The following FNBP1 variants were observed in gnomAD, a reference collection of about 807,000 sequenced individuals.
The protein encoded by FNBP1 is formin-binding protein 1.
FNBP1 carries 26 observed loss-of-function variants against 90.6 expected under a neutral mutation model. That is an observed-to-expected ratio of 0.29 (90% CI 0.21 to 0.40). The LOEUF is 0.40. Ranked by LOEUF, FNBP1 falls within the 10% of genes least tolerant of loss-of-function variation. The pLI is 1.00. For missense variants in FNBP1, 635 were observed against 768.0 expected (o/e 0.83, Z 2.05); for synonymous variants, 260 against 265.2 (o/e 0.98, Z 0.19).
At position 129,900,049 on chromosome 9, in the gene FNBP1, G is replaced by C. The variant is rs775451050; in HGVS notation, c.1603C>G (p.Leu535Val). ...AACTCGTCGTCAAAATCCGTGGCCA[G>C]CACCTTCATCTCACTCTCCTGACTC... ...EQSQESEMKVLATDFDDEFDD... is the reference protein window; with the variant it reads ...EQSQESEMKVVATDFDDEFDD... Residue 535 changes from leucine (L) to valine (V), a missense_variant, in exon 15 of 17, where the codon CTG (leucine) becomes GTG (valine). Coordinates refer to ENST00000446176, the MANE Select transcript of FNBP1 (RefSeq NM_015033.3). This position sits in a 1 kb window ranked among gnomAD's most constrained non-coding sequence, Gnocchi z 4.1. The C allele has an allele frequency of 8.1e-6, 13 of 1,613,462 alleles. No individual in the cohort carries two copies. The South Asian group carries it at 1.2e-4, about 15-fold the overall frequency.
chr9:129,972,342 C>T (rs1185481549), intron 4 of FNBP1, among the ~76,000 whole-genome samples: 1 of 151,970 alleles, frequency 6.6e-6, no homozygotes. Context: ...CCATGTTGGC[C>T]AGGCTGGTTT....
chr9:129,909,140 C>T, intron 11 of FNBP1, 141 bp from the exon 12 acceptor site: 2 of 692,228 alleles, frequency 2.9e-6, no homozygotes, highest in Non-Finnish European at 5.2e-6. Context: ...TCCCACTACA[C>T]CCAGCCGAGA....
chr9:129,958,522 T>C lies in FNBP1; in HGVS notation c.377A>G (p.His126Arg). 1 of 1,599,248 alleles carries C rather than the reference T, an allele frequency of 6.3e-7. No homozygotes were observed. ...NFHDGRKAQQ[H>R]IETCWKQLES... ...AAGCTGCTTCCAGCAAGTCTCGATGTGCTGCTGTGCTTTACGGCCATCGTG... is the reference window on the plus strand; with the variant it reads ...AAGCTGCTTCCAGCAAGTCTCGATGCGCTGCTGTGCTTTACGGCCATCGTG... The change falls in exon 5 of 17, where the codon CAC (histidine) becomes CGC (arginine). Residue 126 changes from histidine (H) to arginine (R), a missense_variant. By Grantham distance (29) the His-to-Arg change is conservative (BLOSUM62 0). Transcript: ENST00000446176.
intron 1 of FNBP1, among the ~76,000 whole-genome samples, chr9:130,032,309 T>C (rs1589385337): frequency 6.6e-6 from 1 of 152,176 alleles, no homozygotes; most frequent in East Asian, 1.9e-4. Flanking sequence ...TAGCTGGGAC[T>C]ACAGGCATGC....
At chr9:129,908,852 C>A in intron 12 of FNBP1, 38 bp downstream of exon 12, 1 of 1,399,088 alleles carries the variant, frequency 7.1e-7, no homozygotes, top group Non-Finnish European at 1.0e-6. Flanking sequence ...CTGCGCCTGG[C>A]CTTGAATTTC....
intron 1 of FNBP1, among the ~76,000 whole-genome samples, chr9:129,996,205 G>T (rs548372091): frequency 6.6e-6 from 1 of 152,294 alleles, no homozygotes; most frequent in East Asian, 1.9e-4. Context: ...AAACACAGAA[G>T]GATTTAGAAC....
At chr9:130,020,513 T>C (rs542752633) in intron 1 of FNBP1, among the ~76,000 whole-genome samples, 2 of 152,266 alleles carry the variant, frequency 1.3e-5, no homozygotes, top group African/African-American at 4.8e-5. Flanking sequence ...CCCAGCTTAT[T>C]AGGCAATTTT....
At chr9:129,991,694 C>A (rs985647280) in intron 2 of FNBP1, among the ~76,000 whole-genome samples, 1 of 149,994 alleles carries the variant, frequency 6.7e-6, no homozygotes, top group East Asian at 2.0e-4. Flanking sequence ...GCGTCTCACT[C>A]TGTCGCCCAG....
At chr9:129,994,988 G>A (rs762109520) in intron 1 of FNBP1, 30 bp from the exon 2 acceptor site, 8 of 1,007,644 alleles carry the variant, frequency 7.9e-6, no homozygotes, top group African/African-American at 1.6e-5. Flanking sequence ...GAGAAGTTAT[G>A]GTCTTTCCCT....
chr9:129,941,522 G>A (rs771029054), intron 6 of FNBP1, among the ~76,000 whole-genome samples: 7 of 152,188 alleles, frequency 4.6e-5, no homozygotes, highest in Non-Finnish European at 1.0e-4. Flanking sequence ...ATGGAGTGCA[G>A]TGGTATGATC....
intron 6 of FNBP1, among the ~76,000 whole-genome samples, chr9:129,946,580 C>G (rs996250147): frequency 2.6e-5 from 4 of 152,170 alleles, no homozygotes; most frequent in Admixed American, 2.6e-4. Flanking sequence ...TGGTGGAAAA[C>G]ATCGGCTCAT....
intron 11 of FNBP1, among the ~76,000 whole-genome samples, chr9:129,913,979 C>T (rs1266146025): frequency 6.6e-6 from 1 of 151,818 alleles, no homozygotes; most frequent in African/African-American, 2.4e-5. Flanking sequence ...CCTCAGCCTC[C>T]AGTATAGCTG....
chr9:129,933,195 A>G (rs951324395), intron 6 of FNBP1, among the ~76,000 whole-genome samples: 2 of 152,208 alleles, frequency 1.3e-5, no homozygotes, highest in Non-Finnish European at 2.9e-5. Flanking sequence ...GAATGCCATC[A>G]TTATATATAA....
intron 10 of FNBP1, among the ~76,000 whole-genome samples, chr9:129,917,797 A>G (rs921699765): frequency 2.6e-5 from 4 of 152,228 alleles, no homozygotes; most frequent in Admixed American, 6.5e-5. Flanking sequence ...ATACAGTCAC[A>G]TTCCTGACTG....
chr9:130,001,542 A>C (rs2054853434), intron 1 of FNBP1, among the ~76,000 whole-genome samples: 2 of 152,164 alleles, frequency 1.3e-5, no homozygotes, highest in African/African-American at 4.8e-5. Flanking sequence ...CCAGAGGTCC[A>C]GGGACTGCAC....
chr9:130,050,935 C>G, the FNBP1 span, among the ~76,000 whole-genome samples: 1 of 146,800 alleles, frequency 6.8e-6, no homozygotes, highest in African/African-American at 2.5e-5. Context: ...GAATCTCGCT[C>G]TGTCACACAG....
At chr9:129,935,259 GATTACAGGCATGATGAGGCACCAT>G (rs1243461948) in intron 6 of FNBP1, among the ~76,000 whole-genome samples, 64 of 151,670 alleles carry the variant, frequency 4.2e-4, no homozygotes, top group African/African-American at 1.5e-3. Context: ...CAAATGCTGG[GATTACAGGCATGATGAGGCACCAT>G]ATGCCAGGCC....
chr9:130,016,074 A>C (rs1232982354), intron 1 of FNBP1, among the ~76,000 whole-genome samples: 2 of 152,072 alleles, frequency 1.3e-5, no homozygotes, highest in African/African-American at 4.8e-5. Flanking sequence ...GTTTTGCATA[A>C]ACTTCTTATA....
At chr9:129,892,285 A>T (rs894069623) in intron 16 of FNBP1, among the ~76,000 whole-genome samples, 2 of 152,030 alleles carry the variant, frequency 1.3e-5, no homozygotes, top group Admixed American at 6.6e-5. Flanking sequence ...AAAAACCACA[A>T]AAGAAAGTCA....
Sources: gnomAD v4.1 joint callset for allele counts (sites outside exome capture counted in the v4.1 genomes callset) on GRCh38, gnomAD v4.1.1 for gene constraint, Gnocchi (gnomAD v3.1) non-coding constraint, MANE v1.5 for transcripts, NCBI Gene and HGNC (gene_info 2026-07-23, HGNC 2026-07-21) for gene names.